Variants in GLIS3 observed in about 807,000 individuals in gnomAD.
GLIS3 encodes GLIS family zinc finger 3.
In GLIS3, 53 loss-of-function variants were observed where a neutral mutation model predicts 78.6. The ratio of observed to expected loss-of-function variants is 0.67; its 90% CI spans 0.54 to 0.85. The LOEUF is 0.85. Among genes scored for constraint, GLIS3 ranks in the 40% least tolerant of loss-of-function variants. The pLI is 0.00. For missense variants in GLIS3, 1,703 were observed against 1,231.1 expected, an observed-to-expected ratio of 1.38 and a Z score of -5.74; for synonymous variants, 684 against 509.9, an observed-to-expected ratio of 1.34 and a Z score of -4.60.
intron 4 of GLIS3, among the ~76,000 whole-genome samples, chr9:3,940,755 G>A (rs1343680486): frequency 2.6e-5 from 4 of 152,194 alleles, no homozygotes; most frequent in African/African-American, 9.7e-5. Context: ...GGAGGAAAAG[G>A]GGCGTGGTGT....
intron 4 of GLIS3, among the ~76,000 whole-genome samples, chr9:3,961,439 C>A (rs1174300117): frequency 6.6e-6 from 1 of 152,192 alleles, no homozygotes; most frequent in East Asian, 1.9e-4. Context: ...CTCCATGCAA[C>A]CATCTCATGG....
intron 6 of GLIS3, among the ~76,000 whole-genome samples, chr9:3,929,475 G>C (rs1421016406): frequency 6.6e-6 from 1 of 152,116 alleles, no homozygotes. Context: ...TCACTTATGA[G>C]ATCCCGACCC....
Position 3,905,058 on chromosome 9 carries a change from T to C in GLIS3, c.1984-6223A>G, listed in dbSNP as rs371027001. On this transcript the variant is annotated intron_variant, in intron 6 of 10. Transcript: ENST00000381971. The stretch of plus-strand genomic sequence containing the variant: ...CGCGATCTCGGCTCACTGCAAGCTC[T>C]GCCTCCCAGGTTCATGCCATTCTCC... 1.3e-4 allele frequency among the ~76,000 whole-genome samples: 19 copies of C among 151,410 alleles called. No individual in the cohort carries two copies. The South Asian group carries it at 1.9e-3, about 15-fold the overall frequency.
chr9:4,380,665 G>A, the GLIS3 span, among the ~76,000 whole-genome samples: 1 of 152,188 alleles, frequency 6.6e-6, no homozygotes, highest in Non-Finnish European at 1.5e-5. Context: ...TGATTCAGAG[G>A]CAAGTAGTTC....
At chr9:3,919,046 G>C (rs1166875991) in intron 6 of GLIS3, among the ~76,000 whole-genome samples, 1 of 152,234 alleles carries the variant, frequency 6.6e-6, no homozygotes, top group African/African-American at 2.4e-5. Flanking sequence ...CAGTGACCAT[G>C]TGGGTCTCAG....
At chr9:3,951,814 G>A in intron 4 of GLIS3, among the ~76,000 whole-genome samples, 1 of 138,868 alleles carries the variant, frequency 7.2e-6, no homozygotes. Flanking sequence ...AGGGAAAAGA[G>A]GAGAGAGAAA....
chr9:4,485,294 C>A, the GLIS3 span, among the ~76,000 whole-genome samples: 1 of 152,090 alleles, frequency 6.6e-6, no homozygotes, highest in African/African-American at 2.4e-5. Context: ...GGATTACAGA[C>A]GTGAGCCACC....
intron 3 of GLIS3, among the ~76,000 whole-genome samples, chr9:4,121,002 A>C (rs1832134525): frequency 6.6e-6 from 1 of 152,242 alleles, no homozygotes; most frequent in African/African-American, 2.4e-5. Context: ...ATGCAGGCAC[A>C]TTATATAACT....
the GLIS3 span, among the ~76,000 whole-genome samples, chr9:4,420,309 C>T: frequency 6.6e-6 from 1 of 152,144 alleles, no homozygotes; most frequent in Non-Finnish European, 1.5e-5. Flanking sequence ...GAGGGGACAT[C>T]ATTTTCTTCC....
chr9:4,056,538 GGA>G (rs1460546207), intron 4 of GLIS3, among the ~76,000 whole-genome samples: 3 of 152,142 alleles, frequency 2.0e-5, no homozygotes. Flanking sequence ...CAGCTTTGCA[GGA>G]GACTTTCTAC....
intron 4 of GLIS3, among the ~76,000 whole-genome samples, chr9:4,045,663 A>C (rs920654377): frequency 6.6e-6 from 1 of 152,136 alleles, no homozygotes; most frequent in African/African-American, 2.4e-5. Flanking sequence ...CATGCAATGT[A>C]ACAACTTGGA....
intron 2 of GLIS3, among the ~76,000 whole-genome samples, chr9:4,251,660 T>C (rs1346281477): frequency 6.6e-6 from 1 of 152,186 alleles, no homozygotes; most frequent in African/African-American, 2.4e-5. Context: ...TGATGCTAGC[T>C]GGTTATTTTG....
chr9:4,328,732 T>C lies in GLIS3; in HGVS notation n.265-18204A>G, dbSNP rs182010256. Among the ~76,000 whole-genome samples, 281 of 151,884 alleles carry C rather than the reference T, an allele frequency of 1.9e-3. 2 individuals carry two copies. Among genetic ancestry groups the C allele is most frequent in the African/African-American group, 6.7e-3 (277 of 41,524 alleles). On this transcript the variant is annotated intron_variant and non_coding_transcript_variant, in intron 2 of 4. Coordinates refer to the GLIS3 transcript ENST00000471664. The stretch of plus-strand genomic sequence containing the variant: ...TCTTAGGCTTTCTGTGCCTCAGTTT[T>C]TCCCTGCGTAAAACAGGTATGGACA...
the GLIS3 span, among the ~76,000 whole-genome samples, chr9:4,466,016 C>A: frequency 1.3e-5 from 2 of 152,126 alleles, no homozygotes; most frequent in South Asian, 4.1e-4. Flanking sequence ...AATCCAAGAG[C>A]TGGTTCTTTG....
chr9:4,157,025 C>T (rs1835092030), intron 2 of GLIS3, among the ~76,000 whole-genome samples: 2 of 152,212 alleles, frequency 1.3e-5, no homozygotes. Flanking sequence ...ACGGCTCTAA[C>T]ATCTGTCACA....
At chr9:4,241,473 AC>A (rs1202208844) in intron 2 of GLIS3, among the ~76,000 whole-genome samples, 1 of 152,178 alleles carries the variant, frequency 6.6e-6, no homozygotes, top group Admixed American at 6.5e-5. Context: ...AAACGTTTCT[AC>A]CTTAAAGACA....
At chr9:4,279,275 G>C (rs192144883) in intron 2 of GLIS3, among the ~76,000 whole-genome samples, 6,040 of 125,214 alleles carry the variant, frequency 0.048, 371 homozygotes, top group African/African-American at 0.13. Flanking sequence ...TCCAGCCTGG[G>C]CAACAGAGCA....
At chr9:4,065,878 G>A (rs146389463) in intron 4 of GLIS3, among the ~76,000 whole-genome samples, 5 of 152,134 alleles carry the variant, frequency 3.3e-5, no homozygotes, top group Non-Finnish European at 5.9e-5. Context: ...AGGAAATACA[G>A]GCTAAGAAGA....
At chr9:4,005,762 T>C (rs1224363746) in intron 4 of GLIS3, among the ~76,000 whole-genome samples, 5 of 152,232 alleles carry the variant, frequency 3.3e-5, no homozygotes, top group African/African-American at 1.2e-4. Flanking sequence ...CATGATGGTA[T>C]ATCCATATAA....
Sources: allele counts gnomAD v4.1 joint callset (sites outside exome capture counted in the v4.1 genomes callset), GRCh38; gene constraint gnomAD v4.1.1; transcripts MANE v1.5; gene names NCBI Gene and HGNC (gene_info 2026-07-23, HGNC 2026-07-21).